The following TRAK1 variants were observed in gnomAD, a reference collection of about 807,000 sequenced individuals.
TRAK1 encodes the protein trafficking kinesin-binding protein 1.
A neutral mutation model predicts 92.1 loss-of-function variants in TRAK1; 33 were observed. The ratio of observed to expected loss-of-function variants is 0.36; its 90% CI spans 0.27 to 0.48. The LOEUF is 0.48. TRAK1 is among the 20% of genes least tolerant of loss of function. The probability of loss-of-function intolerance (pLI) is 0.99; values close to 1 mark genes in which losing one functional copy is unlikely to be tolerated. For missense variants in TRAK1, 1,123 were observed against 1,257.9 expected, an observed-to-expected ratio of 0.89 and a Z score of 1.62; for synonymous variants, 521 against 517.3, an observed-to-expected ratio of 1.01 and a Z score of -0.10.
At chr3:42,141,087 A>G (rs1328462028) in intron 2 of TRAK1, among the ~76,000 whole-genome samples, 2 of 152,200 alleles carry the variant, frequency 1.3e-5, no homozygotes, top group East Asian at 3.8e-4. Flanking sequence ...CAAACTCATA[A>G]CTGCATCATT....
chr3:42,203,941 T>A, intron 13 of TRAK1: 2 of 985,816 alleles, frequency 2.0e-6, no homozygotes, highest in Non-Finnish European at 2.4e-6. Context: ...TGAGACTGCA[T>A]GCTATAAGGT....
intron 2 of TRAK1, chr3:42,149,551 G>C: frequency 6.5e-7 from 1 of 1,536,048 alleles, no homozygotes; most frequent in Non-Finnish European, 8.7e-7. Flanking sequence ...GAAATTTATC[G>C]AAGCGGATTA....
At chr3:42,197,671 C>A (rs747213132) in intron 10 of TRAK1, among the ~76,000 whole-genome samples, 1 of 152,176 alleles carries the variant, frequency 6.6e-6, no homozygotes, top group African/African-American at 2.4e-5. Context: ...CTGGACATAA[C>A]GTTTAATGGC....
intron 1 of TRAK1, among the ~76,000 whole-genome samples, chr3:42,065,032 G>A (rs1048356990): frequency 7.9e-5 from 12 of 152,020 alleles, no homozygotes; most frequent in Admixed American, 3.3e-4. Flanking sequence ...AGCTGAGGTC[G>A]CGCCACTGCA....
chr3:42,203,201 AT>A (rs35921270), intron 13 of TRAK1: 7 of 1,072,348 alleles, frequency 6.5e-6, no homozygotes, highest in South Asian at 4.5e-5. Context: ...TTAAATGGGG[AT>A]TTTTTTTTCC....
intron 2 of TRAK1, chr3:42,160,267 GC>G: frequency 6.4e-7 from 1 of 1,556,084 alleles, no homozygotes; most frequent in Non-Finnish European, 8.7e-7. Context: ...TGCCCTGGGG[GC>G]CCAGGCCTGC....
At chr3:42,091,229 C>T (rs182290740), upstream of TRAK1, 66 of 488,012 alleles carry the variant, frequency 1.4e-4, 1 homozygote, top group Admixed American at 2.1e-3. Context: ...TTTTTGGGTG[C>T]GTCATTTTCT....
At chr3:42,017,719 A>G (rs1701577426) in intron 1 of TRAK1, among the ~76,000 whole-genome samples, 1 of 152,220 alleles carries the variant, frequency 6.6e-6, no homozygotes, top group South Asian at 2.1e-4. Context: ...GTGTAGTATG[A>G]TTCATTATAG....
rs954907617 is a variant in TRAK1, at chr3:42,013,970, GC to G, written c.-661del. 1 of 150,680 alleles carries G rather than the reference GC, an allele frequency of 6.6e-6. No individual in the cohort carries two copies. The highest frequency in any genetic ancestry group is 1.5e-5 in the Non-Finnish European group (1 of 67,450). 9.3% of individuals were successfully genotyped at this position (150,680 alleles called of 1,614,324 possible). A position where few individuals can be genotyped will look rare whatever the true frequency, so the allele number is the denominator to read the frequency against. On this transcript the variant is annotated 5_prime_UTR_variant, in exon 1 of 17. Transcript: ENST00000487159. The surrounding 1 kb of genome is among the most constrained non-coding windows in gnomAD (Gnocchi z 5.1). ...GCGCCAGAGCGGAGCCCCCGCGAGT[GC>G]CCCCGTGCCGCCCGGCCGGCTGCAG...
At position 42,125,436 on chromosome 3, in the gene TRAK1, C is replaced by G; in HGVS notation, c.108C>G (p.Thr36=). Residue 36 remains threonine, a synonymous_variant, in exon 2 of 16, where the codon ACC becomes ACG. Transcript: ENST00000327628. Reference sequence around the variant, plus strand: ...TGTCTTTAGATGTGTGCAACAGCACCGATCTTCCGGAAGTCGAGATCATTA... The same window carrying G: ...TGTCTTTAGATGTGTGCAACAGCACGGATCTTCCGGAAGTCGAGATCATTA... ...RTNACDVCNS[T]DLPEVEIISL... 6.2e-7 allele frequency: 1 copy of G among 1,614,024 alleles called. No individual in the cohort carries two copies. The highest frequency in any genetic ancestry group is 8.5e-7 in the Non-Finnish European group (1 of 1,179,980).
chr3:42,198,701 A>G (rs1707102873), intron 10 of TRAK1, among the ~76,000 whole-genome samples: 1 of 152,160 alleles, frequency 6.6e-6, no homozygotes, highest in African/African-American at 2.4e-5. Flanking sequence ...TCTTAGACAC[A>G]GAGGGGGTGT....
At chr3:42,146,361 G>A (rs992824610) in intron 2 of TRAK1, 9 of 274,420 alleles carry the variant, frequency 3.3e-5, no homozygotes, top group South Asian at 1.1e-4. Context: ...TGAAGCTCTT[G>A]TATCATCCAT....
At chr3:42,196,539 CT>C (rs35807078) in intron 10 of TRAK1, among the ~76,000 whole-genome samples, 167 of 135,430 alleles carry the variant, frequency 1.2e-3, no homozygotes, top group East Asian at 1.5e-3. Context: ...TTCTCTTCTT[CT>C]TTTTTTTTTT....
rs778274238 is a variant in TRAK1 at position 42,030,362 on chromosome 3, T to TAAAAAA, written c.-519+16251_-519+16256dup. On this transcript the variant is annotated intron_variant, in intron 1 of 16. Transcript: ENST00000487159. ...GTGAGACAAAGCGAGACCCTGTCTC[T>TAAAAAA]AAAAAAAAAAATATATATATATATA... 5.3e-3 allele frequency among the ~76,000 whole-genome samples: 691 copies of TAAAAAA among 130,372 alleles called. 8 individuals are homozygous for TAAAAAA. The highest frequency in any genetic ancestry group is 7.8e-3 in the Middle Eastern group (2 of 258). The allele number at this position is 130,372 out of a possible 152,430, so 85.5% of individuals were successfully genotyped here. A position where few individuals can be genotyped will look rare whatever the true frequency, so the allele number is the denominator to read the frequency against.
At chr3:42,218,211 T>C (rs1242706424) in intron 14 of TRAK1, 1 of 985,340 alleles carries the variant, frequency 1.0e-6, no homozygotes, top group African/African-American at 1.7e-5. Flanking sequence ...ATCGGGTTCC[T>C]GGTTTTCTTT....
intron 8 of TRAK1, among the ~76,000 whole-genome samples, chr3:42,193,476 ATCTAG>A (rs1706121707): frequency 6.6e-6 from 1 of 152,208 alleles, no homozygotes; most frequent in African/African-American, 2.4e-5. Context: ...CTTATGGATC[ATCTAG>A]TCTAGTATTT....
chr3:42,136,226 A>C (rs138314632), intron 2 of TRAK1, among the ~76,000 whole-genome samples: 253 of 152,256 alleles, frequency 1.7e-3, no homozygotes, highest in African/African-American at 5.7e-3. Flanking sequence ...CAGAGTGAGG[A>C]AGCAGGCATG....
Position 42,123,110 on chromosome 3 carries a change from C to T in TRAK1, c.92-2310C>T, listed in dbSNP as rs547414421. On this transcript the variant is annotated intron_variant, in intron 1 of 15. Coordinates refer to ENST00000327628, the MANE Select transcript of TRAK1 (RefSeq NM_001042646.3). ...GTTAGTACGGAATGGTAGGAAGCTG[C>T]GGGAGGGGTGGGTGCTGACAGGTGT... Among the ~76,000 whole-genome samples the T allele has an allele frequency of 4.6e-5, 7 of 151,964 alleles. No homozygotes were observed. In the South Asian group the frequency reaches 8.4e-4, roughly 18 times the overall value.
chr3:42,050,115 G>T (rs1475951063), intron 1 of TRAK1, among the ~76,000 whole-genome samples: 2 of 151,936 alleles, frequency 1.3e-5, no homozygotes, highest in African/African-American at 4.8e-5. Flanking sequence ...TTTGCCCAGA[G>T]GGGAGCCCTC....
Sources: allele counts gnomAD v4.1 joint callset (sites outside exome capture counted in the v4.1 genomes callset), GRCh38; gene constraint gnomAD v4.1.1; non-coding constraint Gnocchi (gnomAD v3.1); transcripts MANE v1.5; gene names NCBI Gene and HGNC (gene_info 2026-07-23, HGNC 2026-07-21).